MUC17: variants seen among roughly 807,000 people sequenced by gnomAD.
MUC17 encodes the protein mucin-17.
In MUC17, 190 loss-of-function variants were observed where a neutral mutation model predicts 170.3. The observed-to-expected ratio is 1.12, with a 90% confidence interval of 0.99 to 1.26. The LOEUF is 1.26. Ranked by LOEUF, MUC17 falls within the 50% of genes most tolerant of loss-of-function variation. The pLI is 0.00. For synonymous variants in MUC17, 2,325 were observed against 2,002.5 expected, an observed-to-expected ratio of 1.16 and a Z score of -4.30; for missense variants, 6,415 against 5,530.0, an observed-to-expected ratio of 1.16 and a Z score of -5.08.
At chr7:101,050,696 T>G (rs1794924380) in intron 7 of MUC17, 61 bp downstream of exon 7, 1 of 1,572,990 alleles carries the variant, frequency 6.4e-7, no homozygotes, top group Non-Finnish European at 8.6e-7. Flanking sequence ...CATGACTTTC[T>G]TAATAGACAG....
intron 1 of MUC17, among the ~76,000 whole-genome samples, chr7:101,026,538 T>C (rs1794182698): frequency 6.6e-6 from 1 of 152,190 alleles, no homozygotes; most frequent in Non-Finnish European, 1.5e-5. Context: ...GGTTACATAA[T>C]TTTAGGGCCC....
At chr7:101,031,496 C>A in intron 2 of MUC17, 105 bp from the exon 3 acceptor site, 12 of 1,230,612 alleles carry the variant, frequency 9.8e-6, no homozygotes, top group South Asian at 1.7e-5. Context: ...GGATGACATC[C>A]CTTATCTGAA....
rs575474983 is a variant in MUC17 at position 101,052,536 on chromosome 7, G to A, written c.13104-450G>A. Among the ~76,000 whole-genome samples the A allele has an allele frequency of 2.6e-4, 40 of 152,290 alleles. 1 individual carries two copies. In the South Asian group the frequency reaches 5.0e-3, roughly 19 times the overall value. On this transcript the variant is annotated intron_variant, in intron 9 of 12. Transcript: ENST00000306151. ...CTGGAAAGGGGAAGAAAGGAACAGGGCTTAGAGAGGGCATCTCAAGGCAGC... is the reference window on the plus strand; with the variant it reads ...CTGGAAAGGGGAAGAAAGGAACAGGACTTAGAGAGGGCATCTCAAGGCAGC...
Position 101,034,347 on chromosome 7 carries a change from TC to T in MUC17, c.2933del (p.Pro978LeufsTer8). 1 of 1,608,528 alleles carries T rather than the reference TC, an allele frequency of 6.2e-7. No homozygotes were observed. Among genetic ancestry groups the T allele is most frequent in the Non-Finnish European group, 8.5e-7 (1 of 1,177,636 alleles). On this transcript the variant is annotated frameshift_variant, in exon 3 of 13. Coordinates refer to ENST00000306151, the MANE Select transcript of MUC17 (RefSeq NM_001040105.2). LOFTEE classifies it high-confidence loss of function. ...AAGGTACCAGCATACCAACCTCGAC[TC>T]CTAGTGAAGGAACGACTCCATTAAC... ...AEGTSIPTST[P>X]SEGTTPLTST...
At chr7:101,029,702 A>G (rs1365164359) in intron 1 of MUC17, among the ~76,000 whole-genome samples, 2 of 151,928 alleles carry the variant, frequency 1.3e-5, no homozygotes, top group African/African-American at 4.8e-5. Context: ...AGGCTCAAGC[A>G]ATCCTCCTGC....
chr7:101,058,049 T>G lies in MUC17; in HGVS notation c.*5T>G, dbSNP rs1795079331. The G allele has an allele frequency of 6.2e-7, 1 of 1,613,666 alleles. No homozygotes were observed. The highest frequency in any genetic ancestry group is 1.3e-5 in the African/African-American group (1 of 74,878). On this transcript the variant is annotated 3_prime_UTR_variant, in exon 13 of 13. Coordinates refer to ENST00000306151, the MANE Select transcript of MUC17 (RefSeq NM_001040105.2). Reference sequence around the variant, plus strand: ...GTAATGACGACATCATTTTAAGGCATGGAGCTGAGAAGTCTGGGAGTGAGG... The same window carrying G: ...GTAATGACGACATCATTTTAAGGCAGGGAGCTGAGAAGTCTGGGAGTGAGG...
At chr7:101,048,347 A>G (rs2116470181) in intron 4 of MUC17, 1 of 305,110 alleles carries the variant, frequency 3.3e-6, no homozygotes, top group Non-Finnish European at 5.8e-6. Flanking sequence ...TAATTCCAGT[A>G]CTTTGGGAGC....
chr7:101,032,640 T>C lies in MUC17; in HGVS notation c.1224T>C (p.Ser408=). The change falls in exon 3 of 13, where the codon TCT becomes TCC. Residue 408 remains serine (S), a synonymous_variant. Transcript: ENST00000306151. ...TCAGCACCATATTGGTGGCCAGTTCTGAGGCTAGCACCACTTCAACAATTC... is the reference window on the plus strand; with the variant it reads ...TCAGCACCATATTGGTGGCCAGTTCCGAGGCTAGCACCACTTCAACAATTC... The part of the protein sequence containing the change: ...MPVSTILVAS[S]EASTTSTIPV... The C allele has an allele frequency of 1.2e-6, 2 of 1,613,352 alleles. No individual in the cohort carries two copies. The highest frequency in any genetic ancestry group is 1.7e-6 in the Non-Finnish European group (2 of 1,179,562).
In MUC17 at chr7:101,037,363, G is replaced by C. The variant is rs1292250031; in HGVS notation, c.5947G>C (p.Gly1983Arg). The C allele has an allele frequency of 6.2e-7, 1 of 1,614,030 alleles. No homozygotes were observed. Among genetic ancestry groups the C allele is most frequent in the Admixed American group, 1.7e-5 (1 of 60,004 alleles). ...TSMPTPAYSEGSTPLTSMPLS... is the reference protein window; with the variant it reads ...TSMPTPAYSERSTPLTSMPLS... ...CATGCCAACCCCAGCTTATAGTGAA[G>C]GAAGCACTCCACTAACAAGTATGCC... is the stretch of plus-strand genomic sequence containing the variant. Residue 1983 changes from glycine to arginine, a missense_variant, in exon 3 of 13, where the codon GGA becomes CGA. Transcript: ENST00000306151.
At position 101,039,585 on chromosome 7, in the gene MUC17, C is replaced by T; in HGVS notation, c.8169C>T (p.Val2723=). 6.2e-7 allele frequency: 1 copy of T among 1,610,620 alleles called. No individual in the cohort carries two copies. Among genetic ancestry groups the T allele is most frequent in the Non-Finnish European group, 8.5e-7 (1 of 1,178,502 alleles). Residue 2723 remains valine (V), a synonymous_variant, in exon 3 of 13, where the codon GTC becomes GTT. Transcript: ENST00000306151. The part of the protein sequence containing the change: ...STTPVDTSTP[V]TTSAEASSSP... ...CTCCTGTTGACACCAGCACACCTGT[C>T]ACCACTTCTGCTGAAGCCAGTTCTT... is the stretch of plus-strand genomic sequence containing the variant.
rs1794543834 is a variant in MUC17 at position 101,037,948 on chromosome 7, A to G, written c.6532A>G (p.Ile2178Val). 1.9e-6 allele frequency: 3 copies of G among 1,610,228 alleles called. No homozygotes were observed. Among genetic ancestry groups the G allele is most frequent in the South Asian group, 1.1e-5 (1 of 90,698 alleles). The change falls in exon 3 of 13, where the codon ATC becomes GTC. Residue 2178 changes from isoleucine (I) to valine (V), a missense_variant. Transcript: ENST00000306151. ...VSTTVVASSA[I>V]STLSTTPVDT... ...CACCACAGTGGTGGCCAGTTCTGCA[A>G]TCAGCACCCTTTCAACAACTCCTGT...
In MUC17 at chr7:101,037,891, A is replaced by G. The variant is rs28555173; in HGVS notation, c.6475A>G (p.Arg2159Gly). The stretch of plus-strand genomic sequence containing the variant: ...CATGCAAACCTCAACTTATAGTGAC[A>G]GAAGAACTCCTTTAACAAGTATGCC... Reference protein sequence around the residue: ...TSMQTSTYSDRRTPLTSMPVS... With the variant: ...TSMQTSTYSDGRTPLTSMPVS... Residue 2159 changes from arginine to glycine, a missense_variant, in exon 3 of 13, where the codon AGA becomes GGA. Physicochemically the swap from Arg to Gly is moderately radical, Grantham distance 125. Coordinates refer to ENST00000306151, the MANE Select transcript of MUC17 (RefSeq NM_001040105.2). 216,122 of 1,612,562 alleles carry G rather than the reference A, an allele frequency of 0.13. 17,788 individuals are homozygous for G. Among genetic ancestry groups the G allele is most frequent in the African/African-American group, 0.32 (23,796 of 74,766 alleles).
chr7:101,032,779 A>G lies in MUC17; in HGVS notation c.1363A>G (p.Thr455Ala). The change falls in exon 3 of 13, where the codon ACA (threonine) becomes GCA (alanine). Residue 455 changes from threonine to alanine, a missense_variant. Physicochemically the swap from Thr to Ala is moderately conservative, Grantham distance 58. Coordinates refer to ENST00000306151, the MANE Select transcript of MUC17 (RefSeq NM_001040105.2). ...STPSEGSTPL[T>A]SMPVSTTPVA... ...TCCTAGTGAAGGAAGCACTCCATTAACAAGTATGCCTGTCAGCACCACTCC... is the reference window on the plus strand; with the variant it reads ...TCCTAGTGAAGGAAGCACTCCATTAGCAAGTATGCCTGTCAGCACCACTCC... 1 of 1,614,114 alleles carries G rather than the reference A, an allele frequency of 6.2e-7. No homozygotes were observed. Among genetic ancestry groups the G allele is most frequent in the Non-Finnish European group, 8.5e-7 (1 of 1,179,988 alleles).
In MUC17 at chr7:101,036,779, C is replaced by T. The variant is rs145956810; in HGVS notation, c.5363C>T (p.Ser1788Leu). Reference sequence around the variant, plus strand: ...GTGACCACTTCTACTGAAGCCACTTCGTCTCCTACAACTGCTGAAGGTACC... The same window carrying T: ...GTGACCACTTCTACTGAAGCCACTTTGTCTCCTACAACTGCTGAAGGTACC... ...TPVTTSTEAT[S>L]SPTTAEGTSI... The change falls in exon 3 of 13, where the codon TCG becomes TTG. Residue 1788 changes from serine (S) to leucine (L), a missense_variant. Transcript: ENST00000306151. 1,157 of 1,612,554 alleles carry T rather than the reference C, an allele frequency of 7.2e-4. 3 individuals are homozygous for T. The highest frequency in any genetic ancestry group is 8.0e-4 in the Non-Finnish European group (942 of 1,179,524).
In MUC17 at chr7:101,039,537, T is replaced by C; in HGVS notation, c.8121T>C (p.Ser2707=). 3 of 1,612,414 alleles carry C rather than the reference T, an allele frequency of 1.9e-6. No individual in the cohort carries two copies. Among genetic ancestry groups the C allele is most frequent in the Non-Finnish European group, 2.5e-6 (3 of 1,179,072 alleles). The change falls in exon 3 of 13, where the codon TCT becomes TCC. Residue 2707 remains serine, a synonymous_variant. Transcript: ENST00000306151. The stretch of plus-strand genomic sequence containing the variant: ...TCAGCACCACGCTGTTGGCCAATTC[T>C]GAGGCTAGCACCCTTTCAACAACTC... ...ILVSTTLLAN[S]EASTLSTTPV... is the part of the protein sequence containing the mutation.
chr7:101,056,365 C>T, intron 12 of MUC17, 95 bp downstream of exon 12: 1 of 1,536,016 alleles, frequency 6.5e-7, no homozygotes, highest in Non-Finnish European at 8.8e-7. Context: ...AAAACAGAAC[C>T]ATGTTTACAG....
In MUC17 at chr7:101,058,727, T is replaced by C. The variant is rs1186688233; in HGVS notation, c.*683T>C. On this transcript the variant is annotated 3_prime_UTR_variant, in exon 13 of 13. Transcript: ENST00000306151. ...ACACCTGTATTTAAATATAGAGCAT[T>C]TACCTTTTGGTATATAAGATTGTGG... The C allele has an allele frequency of 2.0e-5, 3 of 152,194 alleles. No individual in the cohort carries two copies. The South Asian group carries it at 6.2e-4, about 31-fold the overall frequency. 9.4% of individuals were successfully genotyped at this position (152,194 alleles called of 1,614,324 possible).
chr7:101,049,457 T>A (rs1202027936), intron 6 of MUC17, 75 bp downstream of exon 6: 1 of 1,541,100 alleles, frequency 6.5e-7, no homozygotes, highest in Admixed American at 1.9e-5. Context: ...CAATTAGAAC[T>A]GTGCCCCCTG....
In MUC17 at chr7:101,042,625, A is replaced by T. The variant is rs953903527; in HGVS notation, c.11209A>T (p.Thr3737Ser). The T allele has an allele frequency of 1.2e-6, 2 of 1,614,016 alleles. No homozygotes were observed. Among genetic ancestry groups the T allele is most frequent in the African/African-American group, 2.7e-5 (2 of 75,022 alleles). Residue 3737 changes from threonine to serine, a missense_variant, in exon 3 of 13, where the codon ACT becomes TCT. Transcript: ENST00000306151. The part of the protein sequence containing the change: ...TSTEAISSSA[T>S]LDSTTMSVSM... ...TACTGAAGCCATTTCATCTTCTGCA[A>T]CTCTTGACAGCACCACCATGTCTGT...
Sources: gnomAD v4.1 joint callset for allele counts (sites outside exome capture counted in the v4.1 genomes callset) on GRCh38, gnomAD v4.1.1 for gene constraint, MANE v1.5 for transcripts, NCBI Gene and HGNC (gene_info 2026-07-23, HGNC 2026-07-21) for gene names.